REEP1: variants seen among roughly 807,000 people sequenced by gnomAD.
REEP1 encodes the protein receptor accessory protein 1, also known as receptor expression-enhancing protein 1.
In REEP1, 22 loss-of-function variants were observed where a neutral mutation model predicts 40.3. The observed-to-expected ratio is 0.55, with a 90% CI of 0.39 to 0.78. The LOEUF (loss-of-function observed/expected upper bound fraction) is 0.78, where lower values mean the gene tolerates loss of function less well. Among genes scored for constraint, REEP1 ranks in the 30% least tolerant of loss-of-function variants. REEP1 has a pLI of 0.00. For missense variants in REEP1, 280 were observed against 361.1 expected (o/e 0.78, Z 1.82); for synonymous variants, 116 against 139.2 (o/e 0.83, Z 1.17).
At chr2:86,278,109 T>C (rs1480905713) in intron 2 of REEP1, among the ~76,000 whole-genome samples, 1 of 152,226 alleles carries the variant, frequency 6.6e-6, no homozygotes, top group Non-Finnish European at 1.5e-5. Context: ...ATGTGTTCAT[T>C]TTATATTCAT....
At chr2:86,315,526 C>T (rs1311557180) in intron 1 of REEP1, among the ~76,000 whole-genome samples, 4 of 152,178 alleles carry the variant, frequency 2.6e-5, no homozygotes, top group African/African-American at 9.7e-5. Context: ...CAGTGGTGAC[C>T]CACATCTGGC....
rs571249509 is a variant in REEP1 at position 86,282,259 on chromosome 2, C to A, written c.33-17G>T. ...AATATAAGCCTGGAGGGAAGAGAGA[C>A]AAAAATAAATACGATTTTTCATTTA... is the stretch of plus-strand genomic sequence containing the variant. On this transcript the variant is annotated splice_polypyrimidine_tract_variant and intron_variant, in intron 1 of 8. Coordinates refer to ENST00000538924, the MANE Select transcript of REEP1 (RefSeq NM_001371279.1). 4.1e-5 allele frequency: 64 copies of A among 1,558,062 alleles called. No individual in the cohort carries two copies. The highest frequency in any genetic ancestry group is 5.4e-5 in the Non-Finnish European group (61 of 1,129,356).
chr2:86,298,947 G>T (rs953789720), intron 1 of REEP1, among the ~76,000 whole-genome samples: 1 of 152,186 alleles, frequency 6.6e-6, no homozygotes, highest in Non-Finnish European at 1.5e-5. Flanking sequence ...ACAGGAAAAC[G>T]GGTGTGTTTT....
intron 1 of REEP1, among the ~76,000 whole-genome samples, chr2:86,299,949 C>T (rs1475306693): frequency 1.3e-5 from 2 of 152,188 alleles, no homozygotes; most frequent in Non-Finnish European, 2.9e-5. Flanking sequence ...CTCCAATCTT[C>T]CTTCTGTGAG....
chr2:86,312,998 T>C (rs750701982), intron 1 of REEP1, among the ~76,000 whole-genome samples: 1 of 151,612 alleles, frequency 6.6e-6, no homozygotes, highest in Non-Finnish European at 1.5e-5. Flanking sequence ...CTTCTTCTTC[T>C]GCTTTTTTTT....
At chr2:86,335,350 T>G (rs1453295952) in intron 1 of REEP1, among the ~76,000 whole-genome samples, 1 of 152,178 alleles carries the variant, frequency 6.6e-6, no homozygotes, top group Non-Finnish European at 1.5e-5. Context: ...GGGGGATAAG[T>G]GGTATCCCTG....
intron 1 of REEP1, among the ~76,000 whole-genome samples, chr2:86,307,035 T>A (rs1022253755): frequency 2.0e-5 from 3 of 151,942 alleles, no homozygotes; most frequent in Non-Finnish European, 4.4e-5. Flanking sequence ...TGAAACCCCA[T>A]CTTTACTAAA....
chr2:86,291,384 C>T (rs761806064), intron 1 of REEP1, among the ~76,000 whole-genome samples: 8 of 152,138 alleles, frequency 5.3e-5, no homozygotes, highest in South Asian at 4.1e-4. Context: ...GGTTCTCTCC[C>T]GACCTGAGCT....
chr2:86,299,762 C>A (rs1242553554), intron 1 of REEP1, among the ~76,000 whole-genome samples: 5 of 152,286 alleles, frequency 3.3e-5, no homozygotes, highest in Admixed American at 6.5e-5. Flanking sequence ...TATGGTTTAA[C>A]TTCTTACTGT....
intron 7 of REEP1, among the ~76,000 whole-genome samples, chr2:86,226,291 G>A (rs972829764): frequency 1.3e-5 from 2 of 152,036 alleles, no homozygotes; most frequent in African/African-American, 2.4e-5. Flanking sequence ...GGTGATTCAC[G>A]CAAAGTTGCA....
chr2:86,333,471 C>A (rs1171653410), intron 1 of REEP1, among the ~76,000 whole-genome samples: 2 of 152,168 alleles, frequency 1.3e-5, no homozygotes, highest in Non-Finnish European at 2.9e-5. Context: ...TTCTGCACAG[C>A]CATTAGTTAT....
At chr2:86,239,661 C>G (rs2104114721) in intron 5 of REEP1, among the ~76,000 whole-genome samples, 1 of 152,320 alleles carries the variant, frequency 6.6e-6, no homozygotes, top group Non-Finnish European at 1.5e-5. Flanking sequence ...AGGCCCTTGT[C>G]TGTGACACAA....
At chr2:86,259,625 T>G (rs2104279990) in intron 3 of REEP1, among the ~76,000 whole-genome samples, 1 of 152,168 alleles carries the variant, frequency 6.6e-6, no homozygotes. Flanking sequence ...TGGCCTCAAG[T>G]GATCTGCTCG....
chr2:86,263,212 C>T (rs1558898002), intron 3 of REEP1, among the ~76,000 whole-genome samples: 3 of 152,026 alleles, frequency 2.0e-5, no homozygotes, highest in African/African-American at 4.8e-5. Flanking sequence ...TACACACACA[C>T]ATATATTAGT....
intron 1 of REEP1, among the ~76,000 whole-genome samples, chr2:86,323,548 G>A (rs1368349092): frequency 6.6e-6 from 1 of 152,126 alleles, no homozygotes; most frequent in African/African-American, 2.4e-5. Flanking sequence ...GCATGTGAGA[G>A]ACTTAGGTTG....
chr2:86,280,706 G>A (rs973035135), intron 2 of REEP1, among the ~76,000 whole-genome samples: 2 of 152,100 alleles, frequency 1.3e-5, no homozygotes, highest in African/African-American at 2.4e-5. Flanking sequence ...AAGAAAAATC[G>A]CTCCCCTCTG....
chr2:86,311,810 CT>C (rs1372160246), intron 1 of REEP1, among the ~76,000 whole-genome samples: 1 of 152,164 alleles, frequency 6.6e-6, no homozygotes, highest in Admixed American at 6.5e-5. Flanking sequence ...TCTGTCACCC[CT>C]ATGTGCTGGC....
intron 5 of REEP1, among the ~76,000 whole-genome samples, chr2:86,247,280 G>C (rs1245642086): frequency 6.6e-6 from 1 of 152,142 alleles, no homozygotes; most frequent in Non-Finnish European, 1.5e-5. Flanking sequence ...CACTTCCCGG[G>C]GATAGGGGTT....
chr2:86,282,668 C>T (rs891015696), intron 1 of REEP1, among the ~76,000 whole-genome samples: 4 of 152,190 alleles, frequency 2.6e-5, no homozygotes, highest in African/African-American at 9.7e-5. Context: ...TGGACTTGAT[C>T]TCAGCATCCT....
Sources: gnomAD v4.1 joint callset for allele counts (sites outside exome capture counted in the v4.1 genomes callset) on GRCh38, gnomAD v4.1.1 for gene constraint, MANE v1.5 for transcripts, NCBI Gene and HGNC (gene_info 2026-07-23, HGNC 2026-07-21) for gene names.